Variants in IGFN1 observed in about 807,000 individuals in gnomAD.
IGFN1 encodes the protein immunoglobulin-like and fibronectin type III domain-containing protein 1.
IGFN1 carries 253 observed loss-of-function variants against 289.5 expected under a neutral mutation model. The observed-to-expected ratio is 0.87, with a 90% CI of 0.79 to 0.97. IGFN1 has a LOEUF of 0.97. Ranked by LOEUF, IGFN1 falls within the 50% of genes least tolerant of loss-of-function variation. The pLI, the probability that IGFN1 is intolerant of heterozygous loss-of-function variation, is 0.00. For missense variants in IGFN1, 4,470 were observed against 4,686.1 expected (o/e 0.95, Z 1.35); for synonymous variants, 1,706 against 1,788.5 (o/e 0.95, Z 1.16).
chr1:201,199,226 A>G, intron 5 of IGFN1, 108 bp from the exon 6 acceptor site: 2 of 931,902 alleles, frequency 2.1e-6, no homozygotes, highest in Non-Finnish European at 3.4e-6. Flanking sequence ...CAGTGGGGAG[A>G]GCAGGGCTCT....
Position 201,206,216 on chromosome 1 carries a change from G to T in IGFN1, c.1323G>T (p.Arg441Ser), listed in dbSNP as rs541038364. The change falls in exon 12 of 24, where the codon AGG becomes AGT. Residue 441 changes from arginine to serine, a missense_variant. This residue lies in a region of IGFN1 where 2,011 missense variants were observed against 1,953.4 expected (regional missense o/e 1.03). Transcript: ENST00000335211. ...AGAAATCCAGAGAGCAGGGCCCCAG[G>T]GGGGGCTCCCTTGAAGGGGCTGGGC... ...QGEKSREQGP[R>S]GGSLEGAGPA... 2.8e-5 allele frequency: 43 copies of T among 1,548,572 alleles called. No homozygotes were observed. The African/African-American group carries it at 3.6e-4, about 13-fold the overall frequency.
intron 18 of IGFN1, among the ~76,000 whole-genome samples, chr1:201,219,312 C>A (rs1373999764): frequency 1.3e-5 from 2 of 152,266 alleles, no homozygotes; most frequent in Non-Finnish European, 2.9e-5. Context: ...CAATCCTGGT[C>A]TCTGCCCTTG....
intron 10 of IGFN1, among the ~76,000 whole-genome samples, chr1:201,204,339 T>C (rs1667301769): frequency 6.6e-6 from 1 of 152,206 alleles, no homozygotes; most frequent in Admixed American, 6.5e-5. Flanking sequence ...CTTCCTGTAT[T>C]CCTTCCCCAT....
Position 201,226,082 on chromosome 1 carries a change from C to T in IGFN1, c.10745C>T (p.Pro3582Leu), listed in dbSNP as rs1654075660. ...VAKNELGASK[P>L]SDTSQPWCIP... The stretch of plus-strand genomic sequence containing the variant: ...AAGAATGAGCTGGGGGCCAGCAAAC[C>T]CTCGGACACCAGCCAGCCCTGGTGC... The change falls in exon 22 of 24, where the codon CCC becomes CTC. Residue 3582 changes from proline (P) to leucine (L), a missense_variant. This residue lies in a region of IGFN1 where 2,218 missense variants were observed against 2,114.1 expected (regional missense o/e 1.05). Transcript: ENST00000335211. The T allele has an allele frequency of 1.2e-6, 2 of 1,603,842 alleles. No homozygotes were observed. The highest frequency in any genetic ancestry group is 2.2e-5 in the East Asian group (1 of 44,618).
intron 11 of IGFN1, among the ~76,000 whole-genome samples, chr1:201,205,827 A>C (rs1260840197): frequency 6.6e-6 from 1 of 152,144 alleles, no homozygotes; most frequent in African/African-American, 2.4e-5. Context: ...TTTCTCCAAA[A>C]CCCTCATGAA....
At chr1:201,205,055 A>G (rs1310780954) in intron 10 of IGFN1, 27 bp from the exon 11 acceptor site, 16 of 1,522,076 alleles carry the variant, frequency 1.1e-5, no homozygotes, top group Non-Finnish European at 1.4e-5. Flanking sequence ...CATCAAGCTG[A>G]TATCCCCATT....
chr1:201,200,142 G>T, intron 7 of IGFN1, 95 bp from the exon 8 acceptor site: 1 of 984,574 alleles, frequency 1.0e-6, no homozygotes, highest in South Asian at 1.7e-5. Context: ...TGCAGATAGA[G>T]CAGCTTCCCA....
At position 201,208,631 on chromosome 1, in the gene IGFN1, A is replaced by AG; in HGVS notation, c.3743dup (p.Glu1249Ter). 1 of 1,530,658 alleles carries AG rather than the reference A, an allele frequency of 6.5e-7. No individual in the cohort carries two copies. The highest frequency in any genetic ancestry group is 1.2e-5 in the South Asian group (1 of 82,590). 94.8% of individuals were successfully genotyped at this position (1,530,658 alleles called of 1,614,324 possible). A position where few individuals can be genotyped will look rare whatever the true frequency, so the allele number is the denominator to read the frequency against. On this transcript the variant is annotated frameshift_variant, in exon 12 of 24. Transcript: ENST00000335211. LOFTEE classifies it high-confidence loss of function. ...GCCTTGGGCCTAGGAGTACAGGGCCAGGGGGTGAGGCAGGCTTTAGAGATG... is the reference window on the plus strand; with the variant it reads ...GCCTTGGGCCTAGGAGTACAGGGCCAGGGGGGTGAGGCAGGCTTTAGAGATG...
In IGFN1 at chr1:201,209,716, T is replaced by G. The variant is rs201505263; in HGVS notation, c.4823T>G (p.Val1608Gly). Residue 1608 changes from valine (V) to glycine (G), a missense_variant, in exon 12 of 24, where the codon GTT becomes GGT. Physicochemically the swap from Val to Gly is moderately radical, Grantham distance 109. Around this residue, in one of 8 missense-constraint regions of IGFN1, gnomAD observed 31 missense variants for 121.0 expected, o/e 0.26. Transcript: ENST00000335211. Reference protein sequence around the residue: ...NEAGYRKDLGVPEGIGSGSKA... With the variant: ...NEAGYRKDLGGPEGIGSGSKA... ...GCAGGTTATAGGAAGGACTTGGGGG[T>G]TCCTGAGGGAATAGGTTCAGGAAGT... 1.9e-6 allele frequency: 2 copies of G among 1,063,652 alleles called. No homozygotes were observed. Among genetic ancestry groups the G allele is most frequent in the East Asian group, 2.2e-4 (2 of 9,076 alleles). The allele number at this position is 1,063,652 out of a possible 1,614,324, so 65.9% of individuals were successfully genotyped here.
In IGFN1 at chr1:201,203,711, C is replaced by T. The variant is rs749106180; in HGVS notation, c.748-27C>T. 72 of 1,548,890 alleles carry T rather than the reference C, an allele frequency of 4.6e-5. No individual in the cohort carries two copies. The African/African-American group carries it at 6.0e-4, about 13-fold the overall frequency. The stretch of plus-strand genomic sequence containing the variant: ...GAAGCACTGAGGACCCACTGAGGCC[C>T]GCCTCCTCTTCCTTTTCTGGCCTTA... On this transcript the variant is annotated intron_variant, in intron 9 of 23. Transcript: ENST00000335211.
intron 5 of IGFN1, among the ~76,000 whole-genome samples, chr1:201,198,674 C>G (rs550307007): frequency 3.3e-5 from 5 of 151,148 alleles, no homozygotes; most frequent in East Asian, 2.0e-4. Context: ...CTATCCTCCC[C>G]CCTCGGCCTC....
intron 1 of IGFN1, among the ~76,000 whole-genome samples, chr1:201,193,035 C>T (rs891834183): frequency 2.6e-5 from 4 of 152,160 alleles, no homozygotes; most frequent in Admixed American, 6.5e-5. Context: ...GGGTAGCATG[C>T]TACCCACTCC....
rs866693000 is a variant in IGFN1 at position 201,208,746 on chromosome 1, A to G, written c.3853A>G (p.Lys1285Glu). The change falls in exon 12 of 24, where the codon AAG becomes GAG. Residue 1285 changes from lysine to glutamate, a missense_variant. Lys to Glu is a moderately conservative substitution (Grantham distance 56). Coordinates refer to ENST00000335211, the MANE Select transcript of IGFN1 (RefSeq NM_001164586.2). ...TTCTGGGGAAATGGGGTCAGTGGAT[A>G]AGGAAGGTTATAAGAAAGATTTGGG... ...GSSGEMGSVD[K>E]EGYKKDLGAP... 6.5e-7 allele frequency: 1 copy of G among 1,536,782 alleles called. No individual in the cohort carries two copies. Among genetic ancestry groups the G allele is most frequent in the South Asian group, 1.2e-5 (1 of 84,030 alleles).
At chr1:201,216,781 G>A in intron 16 of IGFN1, 28 bp downstream of exon 16, 2 of 1,557,290 alleles carry the variant, frequency 1.3e-6, no homozygotes, top group South Asian at 1.2e-5. Flanking sequence ...GGCTGGGGGT[G>A]GGGGACACTC....
chr1:201,195,516 C>G (rs1314021453), intron 3 of IGFN1, among the ~76,000 whole-genome samples: 1 of 152,176 alleles, frequency 6.6e-6, no homozygotes, highest in South Asian at 2.1e-4. Context: ...TGCTCACCCA[C>G]TCTCAAAGAA....
At chr1:201,214,934 T>A (rs1217542513) in intron 13 of IGFN1, 79 bp from the exon 14 acceptor site, 25 of 1,471,340 alleles carry the variant, frequency 1.7e-5, no homozygotes, top group Non-Finnish European at 2.3e-5. Context: ...CCAGCATCAG[T>A]AAAGGGCTCT....
Position 201,216,703 on chromosome 1 carries a change from AG to A in IGFN1, c.9550del (p.Ala3184LeufsTer36). ...YTFRVRAVTS[E>X]GAGEALESEE... ...TTCCGAGTGCGGGCTGTGACCTCAGAGGGGGCTGGCGAGGCCCTGGAGTCTG... is the reference window on the plus strand; with the variant it reads ...TTCCGAGTGCGGGCTGTGACCTCAGAGGGGCTGGCGAGGCCCTGGAGTCTG... On this transcript the variant is annotated frameshift_variant, in exon 16 of 24. Transcript: ENST00000335211. LOFTEE classifies it high-confidence loss of function. 6.2e-7 allele frequency: 1 copy of A among 1,613,010 alleles called. No homozygotes were observed. Among genetic ancestry groups the A allele is most frequent in the Non-Finnish European group, 8.5e-7 (1 of 1,179,704 alleles).
At chr1:201,194,101 C>A in intron 2 of IGFN1, 53 bp from the exon 3 acceptor site, 1 of 1,543,150 alleles carries the variant, frequency 6.5e-7, no homozygotes, top group Non-Finnish European at 8.8e-7. Flanking sequence ...TGAAGGGCCA[C>A]CCAGGAGGAA....
In IGFN1 at chr1:201,206,664, C is replaced by T. The variant is rs1312852044; in HGVS notation, c.1771C>T (p.His591Tyr). 2.0e-6 allele frequency: 3 copies of T among 1,537,304 alleles called. No individual in the cohort carries two copies. In the African/African-American group the frequency reaches 4.1e-5, roughly 21 times the overall value. Residue 591 changes from histidine (H) to tyrosine (Y), a missense_variant, in exon 12 of 24, where the codon CAT becomes TAT. Transcript: ENST00000335211. The part of the protein sequence containing the change: ...RGDSGRQLDR[H>Y]APEQLWDARL... ...GGACAGTGGAAGACAACTGGACAGGCATGCCCCAGAGCAACTGTGGGATGC... is the reference window on the plus strand; with the variant it reads ...GGACAGTGGAAGACAACTGGACAGGTATGCCCCAGAGCAACTGTGGGATGC...
Sources: gnomAD v4.1 joint callset for allele counts (sites outside exome capture counted in the v4.1 genomes callset) on GRCh38, gnomAD v4.1.1 for gene constraint, gnomAD v4.1.1 regional missense constraint, MANE v1.5 for transcripts, NCBI Gene and HGNC (gene_info 2026-07-23, HGNC 2026-07-21) for gene names.